The following SUGT1 variants were observed in gnomAD, a reference collection of about 807,000 sequenced individuals.
SUGT1 encodes the protein SGT1 assembly cochaperone of MIS12 kinetochore complex, also known as protein SGT1 homolog.
Under a neutral mutation model 56.1 loss-of-function variants are expected in SUGT1, and 15 were observed. The ratio of observed to expected loss-of-function variants is 0.27; its 90% CI spans 0.18 to 0.41. SUGT1 has a LOEUF of 0.41. Ranked by LOEUF, SUGT1 falls within the 10% of genes least tolerant of loss-of-function variation. The pLI is 1.00. For missense variants in SUGT1, 347 were observed against 382.2 expected (o/e 0.91, Z 0.77); for synonymous variants, 123 against 128.6 (o/e 0.96, Z 0.30).
At position 52,652,950 on chromosome 13, in the gene SUGT1, A is replaced by G. The variant is rs1961974452; in HGVS notation, c.30A>G (p.Thr10=). MAAAAAGTA[T]SQRFFQSFSD... is the part of the protein sequence containing the mutation. Reference sequence around the variant, plus strand: ...CGGCGGCTGCAGCAGGAACTGCAACATCCCAGAGGTGCATGTTTTTCTTTC... The same window carrying G: ...CGGCGGCTGCAGCAGGAACTGCAACGTCCCAGAGGTGCATGTTTTTCTTTC... The change falls in exon 1 of 13, where the codon ACA becomes ACG. Residue 10 remains threonine, a synonymous_variant. Transcript: ENST00000310528. The G allele has an allele frequency of 6.2e-7, 1 of 1,614,244 alleles. No homozygotes were observed. The highest frequency in any genetic ancestry group is 8.5e-7 in the Non-Finnish European group (1 of 1,180,034).
chr13:52,679,891 A>G (rs1334798102), intron 11 of SUGT1, 83 bp from the exon 12 acceptor site: 2 of 1,365,884 alleles, frequency 1.5e-6, no homozygotes, highest in Non-Finnish European at 2.0e-6. Context: ...AAGATGTTCC[A>G]TATACATGGT....
At chr13:52,665,836 C>T in intron 9 of SUGT1, 103 bp downstream of exon 9, 5 of 720,718 alleles carry the variant, frequency 6.9e-6, no homozygotes, top group Non-Finnish European at 8.5e-6. Flanking sequence ...GCTATTTCTT[C>T]CTGAGATGAT....
At position 52,692,810 on chromosome 13, in the gene SUGT1, C is replaced by G. The variant is rs1454750280; in HGVS notation, c.*4975C>G. ...AGGAATCCAAATCTTTTGCCTCATA[C>G]TGGAAGTAATGCAAAGAAGTAGTCT... On this transcript the variant is annotated 3_prime_UTR_variant, in exon 13 of 13. Coordinates refer to ENST00000310528, the MANE Select transcript of SUGT1 (RefSeq NM_006704.5). 1 of 152,192 alleles carries G rather than the reference C, an allele frequency of 6.6e-6. No individual in the cohort carries two copies. The highest frequency in any genetic ancestry group is 2.4e-5 in the African/African-American group (1 of 41,434). 9.4% of individuals were successfully genotyped at this position (152,192 alleles called of 1,614,324 possible).
chr13:52,665,128 C>A (rs1283647467), intron 8 of SUGT1, among the ~76,000 whole-genome samples: 1 of 152,128 alleles, frequency 6.6e-6, no homozygotes, highest in Non-Finnish European at 1.5e-5. Flanking sequence ...TCATTTGCCC[C>A]TGTTTTGTGT....
intron 10 of SUGT1, among the ~76,000 whole-genome samples, chr13:52,673,283 G>C (rs1157666734): frequency 6.9e-6 from 1 of 144,026 alleles, no homozygotes; most frequent in East Asian, 2.0e-4. Flanking sequence ...GTCTCACTCT[G>C]TTGCCCATGC....
Position 52,653,041 on chromosome 13 carries a change from G to A in SUGT1, c.39-5G>A. On this transcript the variant is annotated splice_region_variant and splice_polypyrimidine_tract_variant and intron_variant, in intron 1 of 12. Transcript: ENST00000310528. The stretch of plus-strand genomic sequence containing the variant: ...GCCCTGCTGAAGTCGTTGTTTTCCT[G>A]ACAGGTTTTTCCAGAGCTTCTCGGA... 1 of 1,614,096 alleles carries A rather than the reference G, an allele frequency of 6.2e-7. No homozygotes were observed. The highest frequency in any genetic ancestry group is 1.3e-5 in the African/African-American group (1 of 75,014).
intron 2 of SUGT1, among the ~76,000 whole-genome samples, chr13:52,654,732 C>T (rs1962076980): frequency 6.6e-6 from 1 of 152,246 alleles, no homozygotes; most frequent in African/African-American, 2.4e-5. Flanking sequence ...TTAATGATTA[C>T]ATAAGTATAC....
chr13:52,658,084 G>A (rs1003646711), intron 3 of SUGT1: 26 of 1,244,656 alleles, frequency 2.1e-5, no homozygotes, highest in Middle Eastern at 2.2e-4. Flanking sequence ...TCTGTATTTT[G>A]TACCTTCTGA....
At chr13:52,661,622 T>C in intron 5 of SUGT1, 1 of 413,574 alleles carries the variant, frequency 2.4e-6, no homozygotes, top group Non-Finnish European at 4.8e-6. Context: ...AGTTAAACTT[T>C]TAGGCTTCTA....
intron 12 of SUGT1, among the ~76,000 whole-genome samples, chr13:52,682,873 T>C (rs1460589071): frequency 6.6e-6 from 1 of 152,220 alleles, no homozygotes; most frequent in African/African-American, 2.4e-5. Flanking sequence ...AATTTTAGAA[T>C]AAAGTGATTA....
In SUGT1 at chr13:52,699,565, GAGTTACCTCAGTAACTTAAC is replaced by G. The variant is rs1964028526; in HGVS notation, c.*11733_*11752del. 2 of 152,152 alleles carry G rather than the reference GAGTTACCTCAGTAACTTAAC, an allele frequency of 1.3e-5. No homozygotes were observed. Among genetic ancestry groups the G allele is most frequent in the South Asian group, 4.1e-4 (2 of 4,836 alleles). 9.4% of individuals were successfully genotyped at this position (152,152 alleles called of 1,614,324 possible). ...ATCTTTTTTACTGCTTAATTTTTTG[GAGTTACCTCAGTAACTTAAC>G]AGGCAGGAATATGGTTTTAATGGAA... On this transcript the variant is annotated 3_prime_UTR_variant, in exon 13 of 13. Coordinates refer to ENST00000310528, the MANE Select transcript of SUGT1 (RefSeq NM_006704.5).
chr13:52,662,319 A>G (rs979710031), intron 5 of SUGT1, among the ~76,000 whole-genome samples: 1 of 152,152 alleles, frequency 6.6e-6, no homozygotes, highest in Non-Finnish European at 1.5e-5. Context: ...TCTGATTTAC[A>G]TCTGATTTTG....
In SUGT1 at chr13:52,697,667, C is replaced by T. The variant is rs1447290416; in HGVS notation, c.*9832C>T. On this transcript the variant is annotated 3_prime_UTR_variant, in exon 13 of 13. Transcript: ENST00000310528. ...CAGTATCAACACCGTTGAGGCCCTTCAAGTCTTTGCAGTCAAAAGCCATAC... is the reference window on the plus strand; with the variant it reads ...CAGTATCAACACCGTTGAGGCCCTTTAAGTCTTTGCAGTCAAAAGCCATAC... 1.3e-5 allele frequency: 2 copies of T among 152,174 alleles called. No individual in the cohort carries two copies. The highest frequency in any genetic ancestry group is 2.9e-5 in the Non-Finnish European group (2 of 68,042). The allele number at this position is 152,174 out of a possible 1,614,324, so 9.4% of individuals were successfully genotyped here.
chr13:52,664,022 A>G lies in SUGT1; in HGVS notation c.400-13A>G, dbSNP rs766922976. 1.5e-5 allele frequency: 24 copies of G among 1,612,714 alleles called. No individual in the cohort carries two copies. In the East Asian group the frequency reaches 2.2e-4, roughly 15 times the overall value. On this transcript the variant is annotated splice_polypyrimidine_tract_variant and intron_variant, in intron 7 of 12. Coordinates refer to ENST00000310528, the MANE Select transcript of SUGT1 (RefSeq NM_006704.5). Reference sequence around the variant, plus strand: ...TTTCTCTTTCAACTTACCAAAATCAATCTGCATCCCAGTGGACTCATCAGT... The same window carrying G: ...TTTCTCTTTCAACTTACCAAAATCAGTCTGCATCCCAGTGGACTCATCAGT...
At chr13:52,663,024 A>C in intron 6 of SUGT1, 72 bp from the exon 7 acceptor site, 1 of 1,523,160 alleles carries the variant, frequency 6.6e-7, no homozygotes, top group East Asian at 2.3e-5. Flanking sequence ...TTTGTGCTAT[A>C]GAAATCATAC....
chr13:52,658,353 T>C (rs754342491), intron 3 of SUGT1, 46 bp from the exon 4 acceptor site: 7 of 1,602,406 alleles, frequency 4.4e-6, no homozygotes, highest in Non-Finnish European at 5.1e-6. Context: ...GTGTATTTGC[T>C]AGGATCTATA....
chr13:52,658,451 T>C lies in SUGT1; in HGVS notation c.240T>C (p.Thr80=). 1 of 1,613,140 alleles carries C rather than the reference T, an allele frequency of 6.2e-7. No individual in the cohort carries two copies. Among genetic ancestry groups the C allele is most frequent in the Non-Finnish European group, 8.5e-7 (1 of 1,179,726 alleles). Residue 80 remains threonine (T), a synonymous_variant, in exon 4 of 13, where the codon ACT becomes ACC. Transcript: ENST00000310528. Reference sequence around the variant, plus strand: ...TAGAACTCAATCCAAATAATTCCACTGCTATGCTGAGAAAAGGGTATGCAG... The same window carrying C: ...TAGAACTCAATCCAAATAATTCCACCGCTATGCTGAGAAAAGGGTATGCAG... ...KSLELNPNNS[T]AMLRKGICEY...
intron 9 of SUGT1, among the ~76,000 whole-genome samples, chr13:52,666,597 A>G (rs1449697881): frequency 6.6e-6 from 1 of 152,176 alleles, no homozygotes; most frequent in Non-Finnish European, 1.5e-5. Context: ...TCTGCTGTTT[A>G]ATGATGTCTA....
chr13:52,669,970 T>C (rs1962865136), intron 10 of SUGT1, among the ~76,000 whole-genome samples: 1 of 152,174 alleles, frequency 6.6e-6, no homozygotes, highest in Admixed American at 6.5e-5. Flanking sequence ...TATTCAGATA[T>C]CTTGATTGTT....
Sources: gnomAD v4.1 joint callset for allele counts (sites outside exome capture counted in the v4.1 genomes callset) on GRCh38, gnomAD v4.1.1 for gene constraint, MANE v1.5 for transcripts, NCBI Gene and HGNC (gene_info 2026-07-23, HGNC 2026-07-21) for gene names.